Variants in ZNF423 observed in about 807,000 individuals in gnomAD.
ZNF423 encodes the protein Ebf-associated zinc finger protein.
In ZNF423, 12 loss-of-function variants were observed where a neutral mutation model predicts 95.8. The ratio of observed to expected loss-of-function variants is 0.13; its 90% CI spans 0.08 to 0.20. The LOEUF (loss-of-function observed/expected upper bound fraction) is 0.20. ZNF423 is among the 10% of genes least tolerant of loss of function. The pLI is 1.00. For synonymous variants in ZNF423, 749 were observed against 711.9 expected (o/e 1.05, Z -0.83); for missense variants, 1,316 against 1,737.1 (o/e 0.76, Z 4.31).
At chr16:49,685,325 T>C (rs148660124) in intron 3 of ZNF423, among the ~76,000 whole-genome samples, 31 of 152,294 alleles carry the variant, frequency 2.0e-4, no homozygotes, top group African/African-American at 6.7e-4. Context: ...GTGCCAGGCA[T>C]GGACTAGGTG....
intron 5 of ZNF423, among the ~76,000 whole-genome samples, chr16:49,578,374 A>C (rs1970562294): frequency 6.6e-6 from 1 of 152,018 alleles, no homozygotes; most frequent in East Asian, 1.9e-4. Context: ...CCTTCTCACA[A>C]CTGCACTTTC....
intron 3 of ZNF423, among the ~76,000 whole-genome samples, chr16:49,720,395 C>T (rs980899392): frequency 6.6e-6 from 1 of 152,174 alleles, no homozygotes; most frequent in Non-Finnish European, 1.5e-5. Flanking sequence ...CTGCACTAGT[C>T]CCCTGTCCAC....
chr16:49,667,676 G>A (rs2030608267), intron 3 of ZNF423, among the ~76,000 whole-genome samples: 1 of 152,212 alleles, frequency 6.6e-6, no homozygotes, highest in African/African-American at 2.4e-5. Context: ...GAGCCCAGGA[G>A]TTCAAGACCA....
At chr16:49,544,815 T>C (rs1158599051) in intron 5 of ZNF423, among the ~76,000 whole-genome samples, 1 of 152,220 alleles carries the variant, frequency 6.6e-6, no homozygotes, top group Non-Finnish European at 1.5e-5. Context: ...CATCAAGACG[T>C]AACTCCAGGG....
intron 3 of ZNF423, among the ~76,000 whole-genome samples, chr16:49,676,780 G>C (rs901593206): frequency 2.0e-5 from 3 of 152,216 alleles, no homozygotes; most frequent in Admixed American, 1.3e-4. Flanking sequence ...CACGGGGCTG[G>C]CAAAGCTGTC....
chr16:49,707,543 G>A (rs940287870), intron 3 of ZNF423, among the ~76,000 whole-genome samples: 7 of 151,668 alleles, frequency 4.6e-5, no homozygotes, highest in Non-Finnish European at 1.0e-4. Context: ...TTTGAACCCA[G>A]GAGGGGGAGG....
At chr16:49,815,914 A>ATATATTT (rs1445194160) in intron 1 of ZNF423, among the ~76,000 whole-genome samples, 1 of 29,806 alleles carries the variant, frequency 3.4e-5, no homozygotes, top group African/African-American at 1.3e-4. Context: ...ATATATATAT[A>ATATATTT]TTTTTTTTTT....
At chr16:49,528,481 C>T (rs182727210) in intron 5 of ZNF423, among the ~76,000 whole-genome samples, 7 of 152,266 alleles carry the variant, frequency 4.6e-5, no homozygotes, top group Non-Finnish European at 1.0e-4. Context: ...CACTGTGTGT[C>T]TCGGGACCCT....
chr16:49,857,328 AGGCAC>A (rs2035382229), upstream of ZNF423, among the ~76,000 whole-genome samples: 2 of 131,894 alleles, frequency 1.5e-5, no homozygotes, highest in Non-Finnish European at 3.3e-5. This position sits in a 1 kb window ranked among gnomAD's most constrained non-coding sequence, Gnocchi z 6.2. Flanking sequence ...CGGCGGCGGC[AGGCAC>A]GGCGCGGGCG....
At chr16:49,727,518 T>C (rs973711861) in intron 3 of ZNF423, among the ~76,000 whole-genome samples, 1 of 147,828 alleles carries the variant, frequency 6.8e-6, no homozygotes, top group African/African-American at 2.5e-5. Context: ...CATAGAAAGA[T>C]ACAGAAGCAG....
Position 49,489,616 on chromosome 16 carries a change from G to A in ZNF423, c.*1659C>T. 6.6e-6 allele frequency: 1 copy of A among 152,220 alleles called. No individual in the cohort carries two copies. The highest frequency in any genetic ancestry group is 1.9e-4 in the East Asian group (1 of 5,204). The allele number at this position is 152,220 out of a possible 1,614,324, so 9.4% of individuals were successfully genotyped here. A position where few individuals can be genotyped will look rare whatever the true frequency, so the allele number is the denominator to read the frequency against. On this transcript the variant is annotated 3_prime_UTR_variant, in exon 8 of 8. Transcript: ENST00000563137. ...TAGGTCACCAGAAGCCCCTTGATAT[G>A]GGAGTCTTCTAGAAGATGATGGGTA...
Position 49,569,005 on chromosome 16 carries a change from C to A in ZNF423, c.3602-43511G>T, listed in dbSNP as rs72793530. On this transcript the variant is annotated intron_variant, in intron 5 of 7. Transcript: ENST00000563137. ...TCAGATTAGACCCCACCAGCCCCTT[C>A]TAGTAAGGTTTCCCAGAACAACATC... 9.5e-3 allele frequency among the ~76,000 whole-genome samples: 1,442 copies of A among 152,240 alleles called. 9 individuals are homozygous for A. The highest frequency in any genetic ancestry group is 0.017 in the Admixed American group (265 of 15,298).
chr16:49,552,586 T>C (rs1801908785), intron 5 of ZNF423, among the ~76,000 whole-genome samples: 1 of 151,974 alleles, frequency 6.6e-6, no homozygotes, highest in African/African-American at 2.4e-5. Context: ...GTCCTAGAGA[T>C]AGGATTTCTA....
intron 4 of ZNF423, among the ~76,000 whole-genome samples, chr16:49,628,421 C>T (rs542979813): frequency 5.2e-4 from 79 of 151,688 alleles, no homozygotes; most frequent in African/African-American, 1.8e-3. Context: ...CACCCATCCA[C>T]GCATACACCC....
chr16:49,739,622 C>T (rs375055371), intron 2 of ZNF423, among the ~76,000 whole-genome samples: 21 of 151,972 alleles, frequency 1.4e-4, no homozygotes, highest in Middle Eastern at 3.4e-3. Context: ...GAGGGAAAAA[C>T]GGTCCAGGAA....
intron 2 of ZNF423, among the ~76,000 whole-genome samples, chr16:49,743,335 C>T (rs935723056): frequency 1.3e-5 from 2 of 152,176 alleles, no homozygotes; most frequent in Non-Finnish European, 2.9e-5. Flanking sequence ...TCTCCTTCTC[C>T]ACTTATCATA....
intron 5 of ZNF423, among the ~76,000 whole-genome samples, chr16:49,592,809 A>G (rs923954801): frequency 1.3e-5 from 2 of 152,242 alleles, no homozygotes; most frequent in Non-Finnish European, 2.9e-5. Flanking sequence ...CCCTCCCCAC[A>G]TGCTCCTTGC....
At chr16:49,497,141 C>G (rs1967193223) in intron 7 of ZNF423, among the ~76,000 whole-genome samples, 1 of 152,128 alleles carries the variant, frequency 6.6e-6, no homozygotes, top group South Asian at 2.1e-4. Flanking sequence ...CAGGGGAGGA[C>G]AGCCTCAGGG....
At chr16:49,759,687 T>C (rs147597605) in intron 2 of ZNF423, among the ~76,000 whole-genome samples, 54 of 152,322 alleles carry the variant, frequency 3.5e-4, no homozygotes, top group African/African-American at 1.2e-3. Context: ...TTTTAACCCC[T>C]GTGACAGCTT....
Sources: gnomAD v4.1 joint callset for allele counts (sites outside exome capture counted in the v4.1 genomes callset) on GRCh38, gnomAD v4.1.1 for gene constraint, Gnocchi (gnomAD v3.1) non-coding constraint, MANE v1.5 for transcripts, NCBI Gene and HGNC (gene_info 2026-07-23, HGNC 2026-07-21) for gene names.